VIPAS39: variants seen among roughly 807,000 people sequenced by gnomAD.
The protein encoded by VIPAS39 is spermatogenesis-defective protein 39 homolog.
VIPAS39 carries 63 observed loss-of-function variants against 84.7 expected under a neutral mutation model. The observed-to-expected ratio is 0.74, with a 90% CI of 0.61 to 0.92. The LOEUF (loss-of-function observed/expected upper bound fraction) is 0.92, where lower values mean the gene tolerates loss of function less well. VIPAS39 is among the 40% of genes least tolerant of loss of function. The pLI, the probability that VIPAS39 is intolerant of heterozygous loss-of-function variation, is 0.00. For synonymous variants in VIPAS39, 192 were observed against 216.5 expected, an observed-to-expected ratio of 0.89 and a Z score of 0.99; for missense variants, 499 against 604.5, an observed-to-expected ratio of 0.83 and a Z score of 1.83.
In VIPAS39 at chr14:77,453,318, C is replaced by A; in HGVS notation, c.177G>T (p.Trp59Cys). 1.2e-6 allele frequency: 2 copies of A among 1,614,184 alleles called. No homozygotes were observed. Among genetic ancestry groups the A allele is most frequent in the Non-Finnish European group, 1.7e-6 (2 of 1,180,038 alleles). ...DDDDDLERVSWSGEPVGSISW... is the reference protein window; with the variant it reads ...DDDDDLERVSCSGEPVGSISW... ...ACTTACTTCCCACAGGTTCCCCACTCCAGCTGACTCGCTCCAGGTCATCAT... is the reference window on the plus strand; with the variant it reads ...ACTTACTTCCCACAGGTTCCCCACTACAGCTGACTCGCTCCAGGTCATCAT... The change falls in exon 3 of 20, where the codon TGG becomes TGT. Residue 59 changes from tryptophan to cysteine, a missense_variant. Coordinates refer to ENST00000557658, the MANE Select transcript of VIPAS39 (RefSeq NM_001193315.2).
intron 12 of VIPAS39, among the ~76,000 whole-genome samples, chr14:77,436,601 C>T (rs1256064945): frequency 1.3e-5 from 2 of 152,102 alleles, no homozygotes; most frequent in Non-Finnish European, 2.9e-5. Flanking sequence ...TATGCTGCCA[C>T]GCCCAGCTTA....
At chr14:77,428,271 A>C in intron 19 of VIPAS39, 99 bp downstream of exon 19, 1 of 1,098,278 alleles carries the variant, frequency 9.1e-7, no homozygotes, top group Non-Finnish European at 1.4e-6. Context: ...TGGCTTAGCC[A>C]ACTGCAATCC....
intron 6 of VIPAS39, among the ~76,000 whole-genome samples, chr14:77,448,792 T>C (rs1047382372): frequency 6.6e-6 from 1 of 152,162 alleles, no homozygotes; most frequent in Non-Finnish European, 1.5e-5. Context: ...ACAAAGCCAG[T>C]AGCCCCATGC....
chr14:77,445,873 T>C (rs1385919546), intron 7 of VIPAS39, among the ~76,000 whole-genome samples: 24 of 149,120 alleles, frequency 1.6e-4, no homozygotes, highest in Non-Finnish European at 4.4e-5. Context: ...CTGGGAGGCG[T>C]AGGTTGCAGT....
intron 13 of VIPAS39, 34 bp from the exon 14 acceptor site, chr14:77,435,427 A>AAAAC (rs1555365603): frequency 9.9e-6 from 16 of 1,611,176 alleles, no homozygotes; most frequent in Non-Finnish European, 1.3e-5. Flanking sequence ...AAAAAAAAAA[A>AAAAC]AACAATGTCC....
chr14:77,427,849 T>C (rs1324892990), intron 19 of VIPAS39, among the ~76,000 whole-genome samples: 1 of 152,172 alleles, frequency 6.6e-6, no homozygotes, highest in African/African-American at 2.4e-5. Context: ...ATTTTGTATT[T>C]TACAAGCCTA....
chr14:77,433,821 G>A, intron 16 of VIPAS39, 21 bp downstream of exon 16: 2 of 1,611,960 alleles, frequency 1.2e-6, no homozygotes, highest in Non-Finnish European at 1.7e-6. Flanking sequence ...GGCCTCAGCA[G>A]CACAGGGGCA....
At position 77,440,909 on chromosome 14, in the gene VIPAS39, G is replaced by A. The variant is rs572852997; in HGVS notation, c.762+157C>T. On this transcript the variant is annotated intron_variant, in intron 11 of 19. Coordinates refer to ENST00000557658, the MANE Select transcript of VIPAS39 (RefSeq NM_001193315.2). ...AATTTTGTATTTTTAGTAGAGACAGGGTTTCACCATGTTGGCCAGGCTGGT... is the reference window on the plus strand; with the variant it reads ...AATTTTGTATTTTTAGTAGAGACAGAGTTTCACCATGTTGGCCAGGCTGGT... Among the ~76,000 whole-genome samples, 4 of 152,188 alleles carry A rather than the reference G, an allele frequency of 2.6e-5. No individual in the cohort carries two copies. The East Asian group carries it at 7.7e-4, about 29-fold the overall frequency.
rs765197574 is a variant in VIPAS39 at position 77,444,350 on chromosome 14, A to G, written c.505-9T>C. 2.5e-6 allele frequency: 4 copies of G among 1,609,318 alleles called. No individual in the cohort carries two copies. Among genetic ancestry groups the G allele is most frequent in the Non-Finnish European group, 2.6e-6 (3 of 1,176,060 alleles). ...CTCTCTAGTGAGCAAACCTGGCAGA[A>G]TAACACTAGAATTAGTACACAAGAA... is the stretch of plus-strand genomic sequence containing the variant. On this transcript the variant is annotated splice_polypyrimidine_tract_variant and intron_variant, in intron 7 of 19. Coordinates refer to ENST00000557658, the MANE Select transcript of VIPAS39 (RefSeq NM_001193315.2).
At chr14:77,433,957 T>C (rs761811943) in intron 15 of VIPAS39, 26 bp from the exon 16 acceptor site, 11 of 1,608,500 alleles carry the variant, frequency 6.8e-6, no homozygotes, top group Non-Finnish European at 9.4e-6. Flanking sequence ...CGAGAAAAAT[T>C]AAGGGGAAGT....
At chr14:77,447,958 G>C (rs1001350003) in intron 7 of VIPAS39, among the ~76,000 whole-genome samples, 1 of 147,906 alleles carries the variant, frequency 6.8e-6, no homozygotes, top group Non-Finnish European at 1.5e-5. Context: ...CACCATGCCC[G>C]GCTTCTCTTT....
At chr14:77,430,671 T>G (rs1461039559) in intron 16 of VIPAS39, among the ~76,000 whole-genome samples, 1 of 148,972 alleles carries the variant, frequency 6.7e-6, no homozygotes, top group African/African-American at 2.5e-5. Context: ...GAGCTGAGAT[T>G]GCACCACTGC....
intron 16 of VIPAS39, among the ~76,000 whole-genome samples, chr14:77,431,598 G>A (rs1024469583): frequency 6.6e-6 from 1 of 152,060 alleles, no homozygotes; most frequent in Non-Finnish European, 1.5e-5. Context: ...AGCCAATGTG[G>A]AAAACAGGCT....
intron 19 of VIPAS39, 141 bp downstream of exon 19, chr14:77,428,229 C>T: frequency 1.3e-6 from 1 of 754,794 alleles, no homozygotes; most frequent in South Asian, 1.5e-5. Flanking sequence ...GTGCTTTTGA[C>T]ATTGTGGCCA....
At chr14:77,435,989 C>A (rs575922773) in intron 12 of VIPAS39, 70 bp from the exon 13 acceptor site, 19 of 1,515,204 alleles carry the variant, frequency 1.3e-5, no homozygotes, top group African/African-American at 1.4e-5. Flanking sequence ...TAAACCAAAT[C>A]GCCAGCATAA....
intron 16 of VIPAS39, among the ~76,000 whole-genome samples, chr14:77,430,738 A>AAAAAAAGG (rs2078509206): frequency 1.8e-5 from 2 of 110,258 alleles, no homozygotes; most frequent in South Asian, 6.8e-4. Flanking sequence ...AAAAAAAAAA[A>AAAAAAAGG]GGGGGGGTAG....
At chr14:77,437,303 ATCCTG>A (rs751877697) in intron 12 of VIPAS39, among the ~76,000 whole-genome samples, 6 of 152,240 alleles carry the variant, frequency 3.9e-5, no homozygotes, top group African/African-American at 1.4e-4. Context: ...AGCAACGGGC[ATCCTG>A]TCACAGGAAT....
intron 11 of VIPAS39, 27 bp from the exon 12 acceptor site, chr14:77,437,908 G>A (rs746358918): frequency 1.9e-6 from 3 of 1,612,036 alleles, no homozygotes; most frequent in Non-Finnish European, 1.7e-6. Flanking sequence ...AAGGCTTTGA[G>A]GTATTTTGTC....
rs1279630090 is a variant in VIPAS39, at chr14:77,444,112, C to T, written c.597+137G>A. ...AGCTAAGCCCTTAAAGCACAGATTA[C>T]TTAGAATCCTACACCTCCAAGGGGA... On this transcript the variant is annotated intron_variant, in intron 8 of 19. Transcript: ENST00000557658. The T allele has an allele frequency of 4.8e-6, 4 of 839,068 alleles. No homozygotes were observed. The African/African-American group carries it at 6.8e-5, about 14-fold the overall frequency. The allele number at this position is 839,068 out of a possible 1,614,324, so 52.0% of individuals were successfully genotyped here. A position where few individuals can be genotyped will look rare whatever the true frequency, so the allele number is the denominator to read the frequency against.
Sources: allele counts gnomAD v4.1 joint callset (sites outside exome capture counted in the v4.1 genomes callset), GRCh38; gene constraint gnomAD v4.1.1; transcripts MANE v1.5; gene names NCBI Gene and HGNC (gene_info 2026-07-23, HGNC 2026-07-21).